TBC1D22A: variants seen among roughly 807,000 people sequenced by gnomAD.
The protein encoded by TBC1D22A is TBC1 domain family member 22A, also known as putative GTPase activator.
In TBC1D22A, 38 loss-of-function variants were observed where a neutral mutation model predicts 60.2. The observed-to-expected ratio is 0.63, with a 90% CI of 0.49 to 0.83. TBC1D22A has a LOEUF of 0.83. Ranked by LOEUF, TBC1D22A falls within the 40% of genes least tolerant of loss-of-function variation. TBC1D22A has a pLI of 0.00. For missense variants in TBC1D22A, 628 were observed against 701.0 expected (o/e 0.90, Z 1.18); for synonymous variants, 302 against 281.7 (o/e 1.07, Z -0.72).
chr22:47,038,786 G>A lies in TBC1D22A; in HGVS notation c.1329+1588G>A, dbSNP rs115266227. ...ATCACCAGTCAGCAGACTGTCATTC[G>A]TGTCCGCGACTTGGGTTTTGTTCTT... On this transcript the variant is annotated intron_variant, in intron 11 of 12. Transcript: ENST00000337137. 4.5e-3 allele frequency among the ~76,000 whole-genome samples: 686 copies of A among 152,270 alleles called. 10 individuals are homozygous for A. Among genetic ancestry groups the A allele is most frequent in the African/African-American group, 0.015 (627 of 41,526 alleles).
chr22:46,924,927 C>T (rs742240), intron 8 of TBC1D22A, among the ~76,000 whole-genome samples: 15 of 152,114 alleles, frequency 9.9e-5, no homozygotes, highest in Non-Finnish European at 1.5e-4. Context: ...TCCCCACAGC[C>T]GGTGGGACAC....
At chr22:47,140,009 T>C (rs1404987772) in intron 12 of TBC1D22A, among the ~76,000 whole-genome samples, 1 of 152,224 alleles carries the variant, frequency 6.6e-6, no homozygotes, top group African/African-American at 2.4e-5. Flanking sequence ...CTTTTTATAA[T>C]CATTATCAGA....
chr22:47,114,003 A>G (rs1441304015), intron 12 of TBC1D22A, among the ~76,000 whole-genome samples: 3 of 152,152 alleles, frequency 2.0e-5, no homozygotes, highest in African/African-American at 4.8e-5. Flanking sequence ...AACGGAATTG[A>G]TGGCAGCCTT....
chr22:46,835,800 A>G lies in TBC1D22A; in HGVS notation c.637+38180A>G, dbSNP rs568363333. On this transcript the variant is annotated intron_variant, in intron 4 of 12. Coordinates refer to ENST00000337137, the MANE Select transcript of TBC1D22A (RefSeq NM_014346.5). ...GAAACACAATATAATTAAACTGTCAAAAGTCAAAGACAAACAGAATTTGGA... is the reference window on the plus strand; with the variant it reads ...GAAACACAATATAATTAAACTGTCAGAAGTCAAAGACAAACAGAATTTGGA... Among the ~76,000 whole-genome samples, 5 of 152,342 alleles carry G rather than the reference A, an allele frequency of 3.3e-5. No individual in the cohort carries two copies. In the East Asian group the frequency reaches 9.6e-4, roughly 29 times the overall value.
intron 4 of TBC1D22A, among the ~76,000 whole-genome samples, chr22:46,800,349 A>G (rs2084843136): frequency 6.6e-6 from 1 of 152,114 alleles, no homozygotes; most frequent in Non-Finnish European, 1.5e-5. Context: ...GTCACCCACC[A>G]AGACAGGAGA....
At chr22:46,794,982 T>C (rs1259386133) in intron 3 of TBC1D22A, among the ~76,000 whole-genome samples, 1 of 152,240 alleles carries the variant, frequency 6.6e-6, no homozygotes, top group Non-Finnish European at 1.5e-5. Flanking sequence ...GTTTCATACC[T>C]AGGTCTAGTT....
At chr22:47,124,551 A>G (rs2066384427) in intron 12 of TBC1D22A, among the ~76,000 whole-genome samples, 1 of 152,180 alleles carries the variant, frequency 6.6e-6, no homozygotes, top group Non-Finnish European at 1.5e-5. Flanking sequence ...GCCTCTGTGC[A>G]CGTCATTTTC....
chr22:47,063,269 G>T (rs1006129699), intron 11 of TBC1D22A, among the ~76,000 whole-genome samples: 2 of 152,178 alleles, frequency 1.3e-5, no homozygotes, highest in African/African-American at 4.8e-5. Flanking sequence ...CGCAGCCAAG[G>T]CTGTGCGTGA....
chr22:46,936,353 C>G (rs1427970425), intron 8 of TBC1D22A, among the ~76,000 whole-genome samples: 1 of 152,200 alleles, frequency 6.6e-6, no homozygotes, highest in Non-Finnish European at 1.5e-5. Context: ...GGGCCAGGCT[C>G]CTCGTGGTTC....
chr22:47,057,473 C>T (rs2063432811), intron 11 of TBC1D22A, among the ~76,000 whole-genome samples: 1 of 152,216 alleles, frequency 6.6e-6, no homozygotes, highest in Non-Finnish European at 1.5e-5. Flanking sequence ...TCCCTCACTT[C>T]ACTAAGCCAA....
chr22:46,764,978 A>T (rs1326934251), intron 1 of TBC1D22A, among the ~76,000 whole-genome samples: 1 of 152,228 alleles, frequency 6.6e-6, no homozygotes, highest in Non-Finnish European at 1.5e-5. Context: ...TGGCAGCCAC[A>T]GGAGACTAAT....
chr22:46,858,069 A>G (rs374423004), intron 4 of TBC1D22A, among the ~76,000 whole-genome samples: 1 of 152,174 alleles, frequency 6.6e-6, no homozygotes. Context: ...TGCAGCTGCC[A>G]CAGCATTTTA....
chr22:47,140,725 C>T (rs1601645028), intron 12 of TBC1D22A, among the ~76,000 whole-genome samples: 1 of 152,342 alleles, frequency 6.6e-6, no homozygotes, highest in East Asian at 1.9e-4. Context: ...AAGCCTGGCC[C>T]TGGCGGCTTG....
chr22:46,959,956 C>T (rs1471171156), intron 8 of TBC1D22A, among the ~76,000 whole-genome samples: 2 of 152,176 alleles, frequency 1.3e-5, no homozygotes, highest in African/African-American at 4.8e-5. Flanking sequence ...TAGCTTTGTC[C>T]ACAGGCTCCT....
chr22:46,819,660 C>T (rs569237334), intron 4 of TBC1D22A, among the ~76,000 whole-genome samples: 7 of 152,118 alleles, frequency 4.6e-5, no homozygotes, highest in Admixed American at 6.5e-5. Flanking sequence ...TGAGGATTTT[C>T]GCATTGATGT....
chr22:46,841,611 T>C (rs1171390796), intron 4 of TBC1D22A, among the ~76,000 whole-genome samples: 6 of 152,236 alleles, frequency 3.9e-5, no homozygotes, highest in African/African-American at 1.4e-4. Context: ...ATTCATCATC[T>C]TCCTTATATG....
rs79902412 is a variant in TBC1D22A, at chr22:47,008,953, G to A, written c.1201+11244G>A. Among the ~76,000 whole-genome samples the A allele has an allele frequency of 3.9e-3, 587 of 152,346 alleles. 2 individuals are homozygous for A. The highest frequency in any genetic ancestry group is 0.014 in the African/African-American group (571 of 41,584). ...ATGGGAGATTTTGGTTTGGGGACTA[G>A]TTTGTGGGTTAGAGGAGGAAAGGAC... On this transcript the variant is annotated intron_variant, in intron 10 of 12. Transcript: ENST00000337137.
At chr22:47,000,193 C>G (rs2148246183) in intron 10 of TBC1D22A, among the ~76,000 whole-genome samples, 1 of 152,146 alleles carries the variant, frequency 6.6e-6, no homozygotes, top group African/African-American at 2.4e-5. Context: ...CAGAAAAGAG[C>G]CGAATTGCTC....
In TBC1D22A at chr22:47,143,743, G is replaced by T. The variant is rs139909721; in HGVS notation, c.1426-29755G>T. Among the ~76,000 whole-genome samples, 141 of 152,368 alleles carry T rather than the reference G, an allele frequency of 9.3e-4. 2 individuals carry two copies. In the East Asian group the frequency reaches 0.017, roughly 19 times the overall value. On this transcript the variant is annotated intron_variant, in intron 12 of 12. Transcript: ENST00000337137. ...GCATGCATCGCGTGTACCCAGCTGAGCTGTTGATGCTCCAAGGTCCTGTCA... is the reference window on the plus strand; with the variant it reads ...GCATGCATCGCGTGTACCCAGCTGATCTGTTGATGCTCCAAGGTCCTGTCA...
Sources: allele counts gnomAD v4.1 joint callset (sites outside exome capture counted in the v4.1 genomes callset), GRCh38; gene constraint gnomAD v4.1.1; transcripts MANE v1.5; gene names NCBI Gene and HGNC (gene_info 2026-07-23, HGNC 2026-07-21).